MYO9A: variants seen among roughly 807,000 people sequenced by gnomAD.
MYO9A encodes myosin IXA, also known as unconventional myosin-IXa.
A neutral mutation model predicts 293.3 loss-of-function variants in MYO9A; 103 were observed. That is an observed-to-expected ratio of 0.35 (90% CI 0.30 to 0.41). MYO9A has a LOEUF of 0.41. Ranked by LOEUF, MYO9A falls within the 10% of genes least tolerant of loss-of-function variation. MYO9A has a pLI of 1.00. For missense variants in MYO9A, 2,685 were observed against 3,033.0 expected (o/e 0.89, Z 2.69); for synonymous variants, 1,001 against 1,035.7 (o/e 0.97, Z 0.64).
intron 2 of MYO9A, among the ~76,000 whole-genome samples, chr15:72,044,872 A>G (rs1421150656): frequency 6.6e-6 from 1 of 152,214 alleles, no homozygotes; most frequent in Non-Finnish European, 1.5e-5. Flanking sequence ...GACTACAGTC[A>G]TCTCTTTCTT....
At chr15:71,957,503 G>C (rs778962089) in intron 14 of MYO9A, among the ~76,000 whole-genome samples, 22 of 151,564 alleles carry the variant, frequency 1.5e-4, no homozygotes, top group Admixed American at 4.6e-4. Flanking sequence ...TTTAACAAAA[G>C]TTTATTTAAA....
Position 71,883,679 on chromosome 15 carries a change from A to G in MYO9A, c.5313T>C (p.Thr1771=). 1.2e-6 allele frequency: 2 copies of G among 1,613,524 alleles called. No homozygotes were observed. Among genetic ancestry groups the G allele is most frequent in the Non-Finnish European group, 8.5e-7 (1 of 1,179,622 alleles). Residue 1771 remains threonine (T), a synonymous_variant, in exon 28 of 42, where the codon ACT becomes ACC. Transcript: ENST00000356056. ...WAKGKQGEKK[T]TRVKPTTQSE... ...ACTGGGTAGTAGGTTTCACTCTGGTAGTCTTCTTCTCCCCTTGTTTCCCTT... is the reference window on the plus strand; with the variant it reads ...ACTGGGTAGTAGGTTTCACTCTGGTGGTCTTCTTCTCCCCTTGTTTCCCTT...
At chr15:71,956,453 A>G (rs954632619) in intron 14 of MYO9A, among the ~76,000 whole-genome samples, 1 of 147,418 alleles carries the variant, frequency 6.8e-6, no homozygotes, top group Non-Finnish European at 1.5e-5. Context: ...AGTCTGGCCA[A>G]CATAGTGAAA....
At chr15:72,075,742 T>C (rs937061881) in intron 1 of MYO9A, among the ~76,000 whole-genome samples, 11 of 151,708 alleles carry the variant, frequency 7.3e-5, no homozygotes, top group Admixed American at 7.2e-4. Context: ...CTGGGCAACA[T>C]AGCAAGACCC....
chr15:71,906,610 G>C (rs1273648213), intron 19 of MYO9A, among the ~76,000 whole-genome samples: 1 of 151,600 alleles, frequency 6.6e-6, no homozygotes, highest in Non-Finnish European at 1.5e-5. Context: ...CTCTACTATA[G>C]TCACTATAGC....
intron 15 of MYO9A, among the ~76,000 whole-genome samples, chr15:71,951,404 T>C (rs2059046476): frequency 6.6e-6 from 1 of 151,962 alleles, no homozygotes; most frequent in Non-Finnish European, 1.5e-5. Flanking sequence ...ATTCAGTTTT[T>C]TACTTCAATT....
chr15:71,994,859 C>T (rs564306866), intron 9 of MYO9A, among the ~76,000 whole-genome samples: 3 of 152,270 alleles, frequency 2.0e-5, no homozygotes, highest in African/African-American at 4.8e-5. Flanking sequence ...CAGCTTCCCA[C>T]GTAGCTGGGA....
At chr15:71,964,712 G>T (rs573990952) in intron 13 of MYO9A, among the ~76,000 whole-genome samples, 5 of 151,528 alleles carry the variant, frequency 3.3e-5, no homozygotes, top group African/African-American at 9.7e-5. Flanking sequence ...ACTTGAACCC[G>T]GGAGGCAGAG....
chr15:71,837,035 G>T (rs2054972954), intron 39 of MYO9A, among the ~76,000 whole-genome samples: 3 of 152,022 alleles, frequency 2.0e-5, no homozygotes, highest in Admixed American at 2.0e-4. Flanking sequence ...CAATAAAAAA[G>T]ATATTTAAGA....
chr15:71,979,874 G>A (rs1463568364), intron 11 of MYO9A, among the ~76,000 whole-genome samples: 2 of 152,180 alleles, frequency 1.3e-5, no homozygotes, highest in Non-Finnish European at 1.5e-5. Flanking sequence ...TAGGTATAGA[G>A]TACTTAGAAT....
chr15:72,009,613 T>C (rs534674482), intron 7 of MYO9A, among the ~76,000 whole-genome samples: 3 of 151,326 alleles, frequency 2.0e-5, no homozygotes, highest in Non-Finnish European at 4.4e-5. Flanking sequence ...TCTTGGGAAG[T>C]TGAGGTGGGA....
At chr15:71,872,153 T>C (rs948467837) in intron 32 of MYO9A, among the ~76,000 whole-genome samples, 6 of 152,016 alleles carry the variant, frequency 3.9e-5, no homozygotes, top group African/African-American at 1.2e-4. Context: ...ATTGCCTGTA[T>C]CAAACCATAA....
At chr15:71,952,418 A>C (rs572947763) in intron 14 of MYO9A, among the ~76,000 whole-genome samples, 6 of 152,360 alleles carry the variant, frequency 3.9e-5, no homozygotes, top group African/African-American at 1.4e-4. Context: ...AAAGCCCAGC[A>C]GCACTTCTGT....
chr15:72,026,506 A>T (rs1381903850), intron 4 of MYO9A, among the ~76,000 whole-genome samples: 3 of 151,448 alleles, frequency 2.0e-5, no homozygotes, highest in African/African-American at 4.8e-5. Flanking sequence ...AAAGATCTCA[A>T]ATCTATAACC....
intron 13 of MYO9A, among the ~76,000 whole-genome samples, chr15:71,966,265 AGTGTGTGTGTGTGTGTGTGT>A (rs377708464): frequency 7.4e-6 from 1 of 134,858 alleles, no homozygotes; most frequent in Non-Finnish European, 1.6e-5. Flanking sequence ...ATCCCAGGCA[AGTGTGTGTGTGTGTGTGTGT>A]GTGTGTGTGT....
chr15:72,085,190 C>T (rs1213175640), intron 1 of MYO9A, among the ~76,000 whole-genome samples: 1 of 152,008 alleles, frequency 6.6e-6, no homozygotes, highest in South Asian at 2.1e-4. Context: ...GTCAAGAGAT[C>T]GAGACCAGCC....
intron 1 of MYO9A, among the ~76,000 whole-genome samples, chr15:72,092,955 C>A (rs2079963190): frequency 6.6e-6 from 1 of 151,036 alleles, no homozygotes; most frequent in African/African-American, 2.5e-5. Context: ...AGATTTGAGG[C>A]TCTAATTCCC....
intron 32 of MYO9A, among the ~76,000 whole-genome samples, chr15:71,873,606 CTAATT>C (rs2056591716): frequency 2.0e-5 from 3 of 152,094 alleles, no homozygotes; most frequent in Non-Finnish European, 4.4e-5. Context: ...CTCTAGGTAA[CTAATT>C]TATTTTCAGC....
chr15:72,041,326 G>A (rs1566975082), intron 2 of MYO9A: 2 of 655,874 alleles, frequency 3.0e-6, no homozygotes, highest in Non-Finnish European at 5.6e-6. Context: ...AGATCCTCAG[G>A]AACTTCATCA....
Sources: allele counts gnomAD v4.1 joint callset (sites outside exome capture counted in the v4.1 genomes callset), GRCh38; gene constraint gnomAD v4.1.1; transcripts MANE v1.5; gene names NCBI Gene and HGNC (gene_info 2026-07-23, HGNC 2026-07-21).